Variants in GPHN observed in about 807,000 individuals in gnomAD.
GPHN encodes gephyrin.
A neutral mutation model predicts 95.5 loss-of-function variants in GPHN; 17 were observed. The observed-to-expected ratio is 0.18, with a 90% confidence interval of 0.12 to 0.27. GPHN has a LOEUF of 0.27. GPHN is among the 10% of genes least tolerant of loss of function. The pLI, the probability that GPHN is intolerant of heterozygous loss-of-function variation, is 1.00. For synonymous variants in GPHN, 320 were observed against 322.5 expected (o/e 0.99, Z 0.08); for missense variants, 660 against 978.1 (o/e 0.67, Z 4.34).
chr14:66,810,733 G>T (rs1342779188), intron 3 of GPHN, among the ~76,000 whole-genome samples: 1 of 151,980 alleles, frequency 6.6e-6, no homozygotes, highest in East Asian at 1.9e-4. Context: ...TAATTTTTTA[G>T]TTCTTGTTAT....
the GPHN span, among the ~76,000 whole-genome samples, chr14:67,688,247 C>T: frequency 2.0e-5 from 3 of 152,128 alleles, no homozygotes; most frequent in African/African-American, 7.2e-5. Context: ...TCCTTTATAA[C>T]ATTTATCACA....
chr14:67,070,595 C>A (rs184479579), intron 11 of GPHN, among the ~76,000 whole-genome samples: 1,783 of 145,268 alleles, frequency 0.012, 20 homozygotes, highest in Middle Eastern at 0.018. Flanking sequence ...ACTGGGGAGG[C>A]TGAGGCAGAA....
At chr14:66,569,390 C>T (rs962358588) in intron 1 of GPHN, among the ~76,000 whole-genome samples, 9 of 152,104 alleles carry the variant, frequency 5.9e-5, no homozygotes, top group African/African-American at 1.2e-4. Flanking sequence ...TAGGCCGAGG[C>T]GGTGGCTCAT....
chr14:67,578,644 G>A, the GPHN span: 1 of 1,550,868 alleles, frequency 6.4e-7, no homozygotes, highest in East Asian at 2.3e-5. The surrounding 1 kb of genome is among the most constrained non-coding windows in gnomAD (Gnocchi z 5.0). Flanking sequence ...GAGTGAACCT[G>A]GCCGTTTCCT....
At chr14:67,149,370 T>C (rs1322297559) in intron 18 of GPHN, among the ~76,000 whole-genome samples, 1 of 152,222 alleles carries the variant, frequency 6.6e-6, no homozygotes, top group Admixed American at 6.5e-5. Flanking sequence ...AAGTTACTTA[T>C]GTTAACATGA....
At position 67,163,444 on chromosome 14, in the gene GPHN, G is replaced by T. The variant is rs142852548; in HGVS notation, c.1911-1718G>T. Among the ~76,000 whole-genome samples the T allele has an allele frequency of 3.9e-4, 59 of 151,756 alleles. 1 individual carries two copies. In the South Asian group the frequency reaches 0.012, roughly 31 times the overall value. On this transcript the variant is annotated intron_variant, in intron 19 of 22. Transcript: ENST00000478722. ...TAATGGTCAAGATGATAGCAATCTCGCATTACAGGGTGCCACAGGAAAAAA... is the reference window on the plus strand; with the variant it reads ...TAATGGTCAAGATGATAGCAATCTCTCATTACAGGGTGCCACAGGAAAAAA...
intron 9 of GPHN, among the ~76,000 whole-genome samples, chr14:66,990,549 A>G (rs2071341189): frequency 6.6e-6 from 1 of 152,082 alleles, no homozygotes; most frequent in African/African-American, 2.4e-5. Context: ...TTGATGATTC[A>G]ATTTCAATTT....
the GPHN span, chr14:67,364,391 C>T: frequency 6.1e-6 from 1 of 163,000 alleles, no homozygotes; most frequent in South Asian, 1.7e-4. Flanking sequence ...CTTTAGTTTT[C>T]TGATTAGTTA....
the GPHN span, chr14:67,725,194 C>G: frequency 6.2e-7 from 1 of 1,614,082 alleles, no homozygotes. Context: ...GGTGCTGGTG[C>G]GGAAATTGGA....
chr14:66,978,948 T>A (rs1236350793), intron 9 of GPHN, among the ~76,000 whole-genome samples: 1 of 152,176 alleles, frequency 6.6e-6, no homozygotes, highest in Non-Finnish European at 1.5e-5. Flanking sequence ...TCCTTGTATA[T>A]CCCAATCAGA....
chr14:66,682,434 AG>A (rs1236162767), intron 2 of GPHN, among the ~76,000 whole-genome samples: 1 of 152,196 alleles, frequency 6.6e-6, no homozygotes, highest in Admixed American at 6.5e-5. Flanking sequence ...TTTCCTCAAA[AG>A]ACTTTGCTTA....
intron 4 of GPHN, among the ~76,000 whole-genome samples, chr14:66,860,583 A>G (rs2062985118): frequency 6.6e-6 from 1 of 152,020 alleles, no homozygotes; most frequent in Non-Finnish European, 1.5e-5. Context: ...AGCACCCAGA[A>G]AAACAGAATA....
chr14:66,929,035 G>C (rs535483568), intron 8 of GPHN, among the ~76,000 whole-genome samples: 25 of 149,214 alleles, frequency 1.7e-4, no homozygotes, highest in African/African-American at 6.2e-4. Flanking sequence ...ATCTGTAATA[G>C]AGATTAAGTC....
intron 2 of GPHN, among the ~76,000 whole-genome samples, chr14:66,698,536 C>T (rs965239992): frequency 2.0e-5 from 3 of 152,076 alleles, no homozygotes; most frequent in Non-Finnish European, 4.4e-5. Flanking sequence ...TATGTTTACT[C>T]AATAAAACTG....
rs1187763829 is a variant in GPHN at position 66,738,960 on chromosome 14, A to G, written c.144-37504A>G. Among the ~76,000 whole-genome samples the G allele has an allele frequency of 2.6e-5, 4 of 152,132 alleles. No individual in the cohort carries two copies. In the East Asian group the frequency reaches 5.8e-4, roughly 22 times the overall value. ...ATATTTTATTGGATGCTTATTTCAT[A>G]TTTCCTTTTTGGGTGGCGTTCTATT... On this transcript the variant is annotated intron_variant, in intron 2 of 22. Coordinates refer to ENST00000478722, the MANE Select transcript of GPHN (RefSeq NM_020806.5).
rs112290786 is a variant in GPHN at position 66,743,735 on chromosome 14, C to A, written c.144-32729C>A. ...CCAGCCTGGACGACAGAGCGAGACT[C>A]CATCTCAAAAAACAACAACAACAAC... On this transcript the variant is annotated intron_variant, in intron 2 of 22. Coordinates refer to ENST00000478722, the MANE Select transcript of GPHN (RefSeq NM_020806.5). 6.7e-3 allele frequency among the ~76,000 whole-genome samples: 1,016 copies of A among 152,258 alleles called. 9 individuals are homozygous for A. The highest frequency in any genetic ancestry group is 0.01 in the Non-Finnish European group (694 of 68,012).
chr14:67,295,471 C>T, the GPHN span, among the ~76,000 whole-genome samples: 4 of 146,544 alleles, frequency 2.7e-5, no homozygotes, highest in Non-Finnish European at 5.9e-5. Context: ...GTCTGGGCGA[C>T]GGAGTGAGAC....
At chr14:66,795,856 G>T (rs1304344606) in intron 3 of GPHN, among the ~76,000 whole-genome samples, 1 of 152,038 alleles carries the variant, frequency 6.6e-6, no homozygotes, top group Non-Finnish European at 1.5e-5. Context: ...TACTCTTTTA[G>T]TTATTTTTAA....
the GPHN span, among the ~76,000 whole-genome samples, chr14:67,443,705 C>T: frequency 3.3e-5 from 5 of 151,918 alleles, no homozygotes; most frequent in Admixed American, 2.6e-4. Flanking sequence ...GGGTTCAAGG[C>T]TATGATCATG....
Sources: allele counts gnomAD v4.1 joint callset (sites outside exome capture counted in the v4.1 genomes callset), GRCh38; gene constraint gnomAD v4.1.1; non-coding constraint Gnocchi (gnomAD v3.1); transcripts MANE v1.5; gene names NCBI Gene and HGNC (gene_info 2026-07-23, HGNC 2026-07-21).